GABRG3: variants seen among roughly 807,000 people sequenced by gnomAD.
The protein encoded by GABRG3 is gamma-aminobutyric acid receptor subunit gamma-3.
In GABRG3, 25 loss-of-function variants were observed where a neutral mutation model predicts 48.8. That is an observed-to-expected ratio of 0.51 (90% CI 0.37 to 0.72). The LOEUF is 0.72. Among genes scored for constraint, GABRG3 ranks in the 30% least tolerant of loss-of-function variants. The pLI is 0.00. For missense variants in GABRG3, 394 were observed against 577.9 expected (o/e 0.68, Z 3.26); for synonymous variants, 227 against 217.6 (o/e 1.04, Z -0.38).
At chr15:27,400,130 T>C (rs1450791202) in intron 5 of GABRG3, among the ~76,000 whole-genome samples, 2 of 152,244 alleles carry the variant, frequency 1.3e-5, no homozygotes, top group African/African-American at 4.8e-5. Flanking sequence ...GTTTTTCTTC[T>C]ATACAAAAGC....
At chr15:27,488,569 T>G (rs1345027224) in intron 6 of GABRG3, among the ~76,000 whole-genome samples, 1 of 152,224 alleles carries the variant, frequency 6.6e-6, no homozygotes, top group Non-Finnish European at 1.5e-5. Flanking sequence ...GCAATCATTG[T>G]CTGGCATTCA....
chr15:27,214,354 C>T (rs62001270), intron 3 of GABRG3, among the ~76,000 whole-genome samples: 40,522 of 152,118 alleles, frequency 0.27, 6,003 homozygotes, highest in South Asian at 0.45. Flanking sequence ...ATGATGGCCG[C>T]GTCGGGTATG....
At chr15:27,125,723 C>T (rs1265451591) in intron 3 of GABRG3, among the ~76,000 whole-genome samples, 3 of 152,222 alleles carry the variant, frequency 2.0e-5, no homozygotes, top group African/African-American at 4.8e-5. Flanking sequence ...TTTGCGGGAG[C>T]GCTGTGTCCC....
chr15:27,417,759 G>A (rs1288555532), intron 5 of GABRG3, among the ~76,000 whole-genome samples: 1 of 152,172 alleles, frequency 6.6e-6, no homozygotes, highest in Non-Finnish European at 1.5e-5. Flanking sequence ...CTCGTGCGAG[G>A]ACTGGGCAGG....
intron 3 of GABRG3, among the ~76,000 whole-genome samples, chr15:27,100,217 CAAAAAAAA>C (rs36148252): frequency 7.6e-6 from 1 of 130,888 alleles, no homozygotes. Context: ...GACCCTGTCT[CAAAAAAAA>C]AAAAAAAAAA....
At chr15:27,474,110 TAGAC>T (rs1889864705) in intron 5 of GABRG3, among the ~76,000 whole-genome samples, 1 of 152,128 alleles carries the variant, frequency 6.6e-6, no homozygotes, top group African/African-American at 2.4e-5. Context: ...CACATGAGGC[TAGAC>T]AGACAGACTG....
intron 3 of GABRG3, among the ~76,000 whole-genome samples, chr15:27,309,191 T>G (rs1179831057): frequency 6.7e-6 from 1 of 149,602 alleles, no homozygotes; most frequent in African/African-American, 2.5e-5. Flanking sequence ...GAAACACATA[T>G]AATGTAAACA....
chr15:27,229,348 G>A (rs1013824383), intron 3 of GABRG3, among the ~76,000 whole-genome samples: 10 of 151,982 alleles, frequency 6.6e-5, no homozygotes, highest in South Asian at 4.1e-4. Flanking sequence ...TTTTCCCCAT[G>A]GCTTGTTTTT....
At chr15:27,222,643 A>G (rs1350702705) in intron 3 of GABRG3, among the ~76,000 whole-genome samples, 1 of 152,212 alleles carries the variant, frequency 6.6e-6, no homozygotes, top group Non-Finnish European at 1.5e-5. Context: ...GCACAACCCC[A>G]AGAGAGGAGC....
intron 3 of GABRG3, among the ~76,000 whole-genome samples, chr15:27,297,595 C>T (rs1345314070): frequency 7.1e-6 from 1 of 141,588 alleles, no homozygotes; most frequent in East Asian, 2.0e-4. Flanking sequence ...GGCTATACCA[C>T]ATAACCTAGG....
At chr15:27,097,733 G>C (rs931316709) in intron 3 of GABRG3, among the ~76,000 whole-genome samples, 1 of 152,038 alleles carries the variant, frequency 6.6e-6, no homozygotes, top group Admixed American at 6.5e-5. Context: ...GGCAGTGAGC[G>C]GGTCAAGGCC....
rs1285215993 is a variant in GABRG3 at position 27,457,183 on chromosome 15, C to T, written c.575-23467C>T. On this transcript the variant is annotated intron_variant, in intron 5 of 9. Transcript: ENST00000615808. The surrounding 1 kb of genome is among the most constrained non-coding windows in gnomAD (Gnocchi z 4.4). ...ACCACAGTGGCGGCATGCAGCTGGA[C>T]TGGGAGTGACTGCAAGGCTGCAAGA... Among the ~76,000 whole-genome samples, 2 of 152,148 alleles carry T rather than the reference C, an allele frequency of 1.3e-5. No homozygotes were observed. The highest frequency in any genetic ancestry group is 2.9e-5 in the Non-Finnish European group (2 of 68,046).
intron 3 of GABRG3, among the ~76,000 whole-genome samples, chr15:27,206,507 T>C (rs1888856830): frequency 6.6e-6 from 1 of 152,168 alleles, no homozygotes; most frequent in Non-Finnish European, 1.5e-5. Context: ...GGCGTGTGCA[T>C]ATGAGAAGAC....
At chr15:26,990,083 C>T (rs1895219797) in intron 2 of GABRG3, among the ~76,000 whole-genome samples, 1 of 152,194 alleles carries the variant, frequency 6.6e-6, no homozygotes, top group African/African-American at 2.4e-5. Flanking sequence ...CTGCAATGAA[C>T]ATCAGAATGA....
At chr15:27,346,778 A>T (rs917146956) in intron 5 of GABRG3, among the ~76,000 whole-genome samples, 1 of 151,144 alleles carries the variant, frequency 6.6e-6, no homozygotes, top group Admixed American at 6.6e-5. Context: ...TTTCATTTAT[A>T]TCATTTCCTT....
intron 3 of GABRG3, among the ~76,000 whole-genome samples, chr15:27,242,179 A>T (rs139360479): frequency 6.6e-6 from 1 of 152,324 alleles, no homozygotes; most frequent in Admixed American, 6.5e-5. Flanking sequence ...CAGAAATGCT[A>T]TACAGTAAGC....
chr15:27,261,159 CA>C (rs1309583461), intron 3 of GABRG3, among the ~76,000 whole-genome samples: 1 of 151,956 alleles, frequency 6.6e-6, no homozygotes, highest in Non-Finnish European at 1.5e-5. Context: ...AGGATGGAAG[CA>C]AAGGTCAGCT....
At chr15:27,325,354 G>C (rs922081293) in intron 3 of GABRG3, among the ~76,000 whole-genome samples, 10 of 152,114 alleles carry the variant, frequency 6.6e-5, no homozygotes, top group African/African-American at 2.4e-4. Flanking sequence ...GGGTCCATCT[G>C]GTTGCTGAGA....
intron 6 of GABRG3, among the ~76,000 whole-genome samples, chr15:27,500,936 A>G (rs2150853777): frequency 6.6e-6 from 1 of 150,396 alleles, no homozygotes; most frequent in Non-Finnish European, 1.5e-5. Context: ...TCTGAGAAAA[A>G]TAGGAAGTAA....
Sources: allele counts gnomAD v4.1 joint callset (sites outside exome capture counted in the v4.1 genomes callset), GRCh38; gene constraint gnomAD v4.1.1; non-coding constraint Gnocchi (gnomAD v3.1); transcripts MANE v1.5; gene names NCBI Gene and HGNC (gene_info 2026-07-23, HGNC 2026-07-21).